UNC119B: variants seen among roughly 807,000 people sequenced by gnomAD.
UNC119B encodes the protein protein unc-119 homolog B.
Under a neutral mutation model 23.4 loss-of-function variants are expected in UNC119B, and 16 were observed. The ratio of observed to expected loss-of-function variants is 0.68; its 90% CI spans 0.46 to 1.04. UNC119B has a LOEUF of 1.04. Among genes scored for constraint, UNC119B ranks in the 50% least tolerant of loss-of-function variants. UNC119B has a pLI of 0.00. For synonymous variants in UNC119B, 144 were observed against 145.4 expected (o/e 0.99, Z 0.07); for missense variants, 350 against 361.3 (o/e 0.97, Z 0.25).
At position 120,713,302 on chromosome 12, in the gene UNC119B, C is replaced by T; in HGVS notation, c.273C>T (p.Ile91=). 6.2e-7 allele frequency: 1 copy of T among 1,613,796 alleles called. No individual in the cohort carries two copies. The highest frequency in any genetic ancestry group is 8.5e-7 in the Non-Finnish European group (1 of 1,179,702). The change falls in exon 2 of 5, where the codon ATC becomes ATT. Residue 91 remains isoleucine, a synonymous_variant. Transcript: ENST00000344651. Reference sequence around the variant, plus strand: ...ATTTATGTAAACCCGAAGACAACATCTACAGTATTGATTTCACCCGCTTCA... The same window carrying T: ...ATTTATGTAAACCCGAAGACAACATTTACAGTATTGATTTCACCCGCTTCA... The part of the protein sequence containing the change: ...ENYLCKPEDN[I]YSIDFTRFKI...
chr12:120,716,947 T>C lies in UNC119B; in HGVS notation c.548T>C (p.Leu183Pro). ...IERHYFREHL[L>P]KNFDFDFGFC... ...CGGCACTATTTCCGGGAACACTTGC[T>C]GAAAAACTTTGACTTTGATTTTGGC... Residue 183 changes from leucine (L) to proline (P), a missense_variant, in exon 4 of 5, where the codon CTG becomes CCG. Physicochemically the swap from Leu to Pro is moderately conservative, Grantham distance 98 (BLOSUM62 -3). Transcript: ENST00000344651. The C allele has an allele frequency of 6.2e-7, 1 of 1,613,936 alleles. No homozygotes were observed. Among genetic ancestry groups the C allele is most frequent in the East Asian group, 2.2e-5 (1 of 44,882 alleles).
chr12:120,710,919 T>G (rs1437492364), intron 1 of UNC119B: 1 of 429,548 alleles, frequency 2.3e-6, no homozygotes. Flanking sequence ...TCTCCTGGGC[T>G]GGACCGCATT....
chr12:120,716,644 G>A lies in UNC119B; in HGVS notation c.375G>A (p.Glu125=). The A allele has an allele frequency of 6.2e-7, 1 of 1,614,214 alleles. No individual in the cohort carries two copies. Among genetic ancestry groups the A allele is most frequent in the Non-Finnish European group, 8.5e-7 (1 of 1,180,018 alleles). Reference sequence around the variant, plus strand: ...CTCTTTCAGACCAGGAGGAGGATGAGGAGGAGGGAGGTGGAGACGTGGACA... The same window carrying A: ...CTCTTTCAGACCAGGAGGAGGATGAAGAGGAGGGAGGTGGAGACGTGGACA... The part of the protein sequence containing the change: ...KPCVSDQEED[E]EEGGGDVDIS... The change falls in exon 3 of 5, where the codon GAG becomes GAA. Residue 125 remains glutamate, a synonymous_variant. Transcript: ENST00000344651.
In UNC119B at chr12:120,720,923, T is replaced by C. The variant is rs1882884856; in HGVS notation, c.*891T>C. ...ACAGTGGTGTTCCCAGCATATGTGA[T>C]ATGTGGTTAGACTTCTGATAGTATC... is the stretch of plus-strand genomic sequence containing the variant. On this transcript the variant is annotated 3_prime_UTR_variant, in exon 5 of 5. Transcript: ENST00000344651. The C allele has an allele frequency of 6.6e-6, 1 of 152,230 alleles. No homozygotes were observed. Among genetic ancestry groups the C allele is most frequent in the Non-Finnish European group, 1.5e-5 (1 of 68,040 alleles). 9.4% of individuals were successfully genotyped at this position (152,230 alleles called of 1,614,324 possible).
intron 2 of UNC119B, 84 bp from the exon 3 acceptor site, chr12:120,716,544 C>T: frequency 7.1e-7 from 1 of 1,407,584 alleles, no homozygotes; most frequent in Non-Finnish European, 1.0e-6. Flanking sequence ...GGATTGGTTG[C>T]CATTGTGCTG....
At position 120,720,056 on chromosome 12, in the gene UNC119B, G is replaced by A; in HGVS notation, c.*24G>A. The A allele has an allele frequency of 2.6e-6, 4 of 1,551,064 alleles. No homozygotes were observed. Among genetic ancestry groups the A allele is most frequent in the Non-Finnish European group, 3.6e-6 (4 of 1,124,196 alleles). ...AAGTGCTGCAAGAGTAGATAGGGGA[G>A]GTGCTTTGCCGCGGCCACAAGATCC... On this transcript the variant is annotated 3_prime_UTR_variant, in exon 5 of 5. Coordinates refer to ENST00000344651, the MANE Select transcript of UNC119B (RefSeq NM_001080533.3).
chr12:120,714,152 C>T (rs963678433), intron 2 of UNC119B, among the ~76,000 whole-genome samples: 12 of 152,178 alleles, frequency 7.9e-5, no homozygotes, highest in African/African-American at 2.7e-4. Flanking sequence ...TGTAAACTTA[C>T]TTTGCAGTGT....
rs1882856105 is a variant in UNC119B at position 120,719,948 on chromosome 12, G to T, written c.672G>T (p.Glu224Asp). 1.2e-6 allele frequency: 2 copies of T among 1,613,976 alleles called. No individual in the cohort carries two copies. Among genetic ancestry groups the T allele is most frequent in the Non-Finnish European group, 1.7e-6 (2 of 1,180,020 alleles). Residue 224 changes from glutamate to aspartate, a missense_variant, in exon 5 of 5, where the codon GAG becomes GAT. Physicochemically the swap from Glu to Asp is conservative, Grantham distance 45 (BLOSUM62 2). Transcript: ENST00000344651. ...VIRLMIENPYETRSDSFYFVD... is the reference protein window; with the variant it reads ...VIRLMIENPYDTRSDSFYFVD... ...GTCTAATGATTGAAAATCCTTACGA[G>T]ACCCGCTCTGACAGCTTCTACTTTG...
chr12:120,715,916 C>A (rs1882771302), intron 2 of UNC119B, among the ~76,000 whole-genome samples: 1 of 152,188 alleles, frequency 6.6e-6, no homozygotes, highest in Admixed American at 6.5e-5. Flanking sequence ...GTAGAGGCCA[C>A]CACATCTGCT....
Position 120,720,812 on chromosome 12 carries a change from G to T in UNC119B, c.*780G>T, listed in dbSNP as rs1189772233. The T allele has an allele frequency of 6.6e-6, 1 of 152,218 alleles. No individual in the cohort carries two copies. The allele number at this position is 152,218 out of a possible 1,614,324, so 9.4% of individuals were successfully genotyped here. A position where few individuals can be genotyped will look rare whatever the true frequency, so the allele number is the denominator to read the frequency against. On this transcript the variant is annotated 3_prime_UTR_variant, in exon 5 of 5. Transcript: ENST00000344651. Reference sequence around the variant, plus strand: ...ATAGAATGAGTCAGCTCTGCTCATGGAACAGTAGTATCTCTTGAGGCCAGA... The same window carrying T: ...ATAGAATGAGTCAGCTCTGCTCATGTAACAGTAGTATCTCTTGAGGCCAGA...
chr12:120,713,429 C>A, intron 2 of UNC119B, 42 bp downstream of exon 2: 1 of 1,469,832 alleles, frequency 6.8e-7, no homozygotes, highest in African/African-American at 1.4e-5. Flanking sequence ...AGTTTTGAGC[C>A]AAAGGTCTTT....
chr12:120,715,480 G>A (rs996779766), intron 2 of UNC119B, among the ~76,000 whole-genome samples: 3 of 149,538 alleles, frequency 2.0e-5, no homozygotes, highest in Non-Finnish European at 4.4e-5. Context: ...ACACTGGAGG[G>A]TACTAACTCC....
At chr12:120,719,491 C>T (rs1882845174) in intron 4 of UNC119B, among the ~76,000 whole-genome samples, 1 of 152,170 alleles carries the variant, frequency 6.6e-6, no homozygotes, top group South Asian at 2.1e-4. Flanking sequence ...CACAGTGAGG[C>T]TCAGATTTCT....
chr12:120,715,775 C>T (rs550557060), intron 2 of UNC119B, among the ~76,000 whole-genome samples: 28 of 152,218 alleles, frequency 1.8e-4, no homozygotes, highest in Admixed American at 4.6e-4. Context: ...TCAGGGGATC[C>T]GCCTACCTCG....
chr12:120,719,585 GGTTGGT>G (rs1469839900), intron 4 of UNC119B, among the ~76,000 whole-genome samples: 1 of 152,196 alleles, frequency 6.6e-6, no homozygotes, highest in Non-Finnish European at 1.5e-5. Flanking sequence ...TGAGTAAATA[GGTTGGT>G]GGGGTCCATG....
Position 120,719,977 on chromosome 12 carries a change from A to G in UNC119B, c.701A>G (p.Asp234Gly), listed in dbSNP as rs375589147. Residue 234 changes from aspartate (D) to glycine (G), a missense_variant, in exon 5 of 5, where the codon GAC becomes GGC. By Grantham distance (94) the Asp-to-Gly change is moderately conservative. Transcript: ENST00000344651. Reference sequence around the variant, plus strand: ...CGCTCTGACAGCTTCTACTTTGTTGACAACAAGCTGATAATGCACAACAAG... The same window carrying G: ...CGCTCTGACAGCTTCTACTTTGTTGGCAACAAGCTGATAATGCACAACAAG... ...ETRSDSFYFV[D>G]NKLIMHNKAD... is the part of the protein sequence containing the mutation. 2.5e-6 allele frequency: 4 copies of G among 1,614,194 alleles called. No individual in the cohort carries two copies. The highest frequency in any genetic ancestry group is 2.5e-6 in the Non-Finnish European group (3 of 1,180,026).
At chr12:120,716,034 A>C (rs546404487) in intron 2 of UNC119B, among the ~76,000 whole-genome samples, 1 of 152,332 alleles carries the variant, frequency 6.6e-6, no homozygotes, top group East Asian at 1.9e-4. Context: ...CTTCTATTTA[A>C]ATAACAAAAT....
rs1882934232 is a variant in UNC119B, at chr12:120,722,459, A to T, written c.*2427A>T. Reference sequence around the variant, plus strand: ...TGAGTTGGGGAGAGAATTGCAAGGCATACTTTCTCTGAAAGTAACAGAACC... The same window carrying T: ...TGAGTTGGGGAGAGAATTGCAAGGCTTACTTTCTCTGAAAGTAACAGAACC... On this transcript the variant is annotated 3_prime_UTR_variant, in exon 5 of 5. Transcript: ENST00000344651. 6.6e-6 allele frequency: 1 copy of T among 152,264 alleles called. No individual in the cohort carries two copies. Among genetic ancestry groups the T allele is most frequent in the African/African-American group, 2.4e-5 (1 of 41,472 alleles). The allele number at this position is 152,264 out of a possible 1,614,324, so 9.4% of individuals were successfully genotyped here. A position where few individuals can be genotyped will look rare whatever the true frequency, so the allele number is the denominator to read the frequency against.
chr12:120,712,509 G>A (rs141166415), intron 1 of UNC119B, among the ~76,000 whole-genome samples: 1 of 152,246 alleles, frequency 6.6e-6, no homozygotes, highest in East Asian at 1.9e-4. Context: ...AGTCACTTGG[G>A]CCTAATGTCT....
Sources: gnomAD v4.1 joint callset for allele counts (sites outside exome capture counted in the v4.1 genomes callset) on GRCh38, gnomAD v4.1.1 for gene constraint, MANE v1.5 for transcripts, NCBI Gene and HGNC (gene_info 2026-07-23, HGNC 2026-07-21) for gene names.